Variants in NMNAT3 observed in about 807,000 individuals in gnomAD.
The protein encoded by NMNAT3 is nicotinamide/nicotinic acid mononucleotide adenylyltransferase 3.
Under a neutral mutation model 24.8 loss-of-function variants are expected in NMNAT3, and 21 were observed. That is an observed-to-expected ratio of 0.85 (90% CI 0.60 to 1.22). NMNAT3 has a LOEUF of 1.22. Ranked by LOEUF, NMNAT3 falls within the 50% of genes most tolerant of loss-of-function variation. The probability of loss-of-function intolerance (pLI) is 0.00; values close to 1 mark genes in which losing one functional copy is unlikely to be tolerated. For synonymous variants in NMNAT3, 136 were observed against 155.2 expected, an observed-to-expected ratio of 0.88 and a Z score of 0.92; for missense variants, 387 against 436.6, an observed-to-expected ratio of 0.89 and a Z score of 1.01.
intron 1 of NMNAT3, among the ~76,000 whole-genome samples, chr3:139,641,882 G>A (rs1419316525): frequency 6.6e-6 from 1 of 152,116 alleles, no homozygotes; most frequent in African/African-American, 2.4e-5. Context: ...TGCTTCAGGG[G>A]ATAAGAGGCA....
intron 1 of NMNAT3, among the ~76,000 whole-genome samples, chr3:139,654,454 G>T (rs1253299079): frequency 1.3e-5 from 2 of 152,202 alleles, no homozygotes; most frequent in Non-Finnish European, 2.9e-5. Context: ...TAATGAAACT[G>T]ACCTCCTTCA....
intron 1 of NMNAT3, among the ~76,000 whole-genome samples, chr3:139,658,823 T>G (rs1263842414): frequency 6.6e-6 from 1 of 152,192 alleles, no homozygotes; most frequent in Non-Finnish European, 1.5e-5. Context: ...GAGGGCATCA[T>G]GTAATAAATT....
intron 1 of NMNAT3, among the ~76,000 whole-genome samples, chr3:139,667,804 T>C (rs1478481579): frequency 6.6e-6 from 1 of 152,252 alleles, no homozygotes; most frequent in Non-Finnish European, 1.5e-5. Context: ...GGTGTATGTA[T>C]GACTTCAAGG....
chr3:139,565,551 C>G (rs1169642062), intron 6 of NMNAT3: 6 of 151,924 alleles, frequency 3.9e-5, no homozygotes, highest in African/African-American at 1.5e-4. Flanking sequence ...TGTGATGTTC[C>G]CCTTCCTGTG....
In NMNAT3 at chr3:139,583,075, C is replaced by T; in HGVS notation, c.243G>A (p.Lys81=). Residue 81 remains lysine, a synonymous_variant, in exon 4 of 7, where the codon AAG becomes AAA. Transcript: ENST00000643695. ...CAGTTCTTTTGCGTTTAAAAGATGA[C>T]TTGTCAGGGTCATCATTTTTGCTGC... The T allele has an allele frequency of 1.3e-6, 2 of 1,599,822 alleles. No homozygotes were observed. The highest frequency in any genetic ancestry group is 1.1e-5 in the South Asian group (1 of 88,888).
At chr3:139,587,862 C>A (rs1207425762) in intron 3 of NMNAT3, among the ~76,000 whole-genome samples, 1 of 152,158 alleles carries the variant, frequency 6.6e-6, no homozygotes, top group African/African-American at 2.4e-5. Flanking sequence ...ATACATTTAA[C>A]CTTCACATTA....
At chr3:139,613,905 C>T (rs1451688681) in intron 3 of NMNAT3, among the ~76,000 whole-genome samples, 1 of 151,846 alleles carries the variant, frequency 6.6e-6, no homozygotes, top group Non-Finnish European at 1.5e-5. Context: ...CAAACACCCG[C>T]ATGTTCTCAC....
In NMNAT3 at chr3:139,660,826, G is replaced by C. The variant is rs890455900; in HGVS notation, c.-141+16879C>G. 2.7e-4 allele frequency among the ~76,000 whole-genome samples: 27 copies of C among 98,998 alleles called. No homozygotes were observed. The Admixed American group carries it at 3.0e-3, about 11-fold the overall frequency. The allele number at this position is 98,998 out of a possible 152,430, so 64.9% of individuals were successfully genotyped here. On this transcript the variant is annotated intron_variant, in intron 1 of 6. Transcript: ENST00000643695. The stretch of plus-strand genomic sequence containing the variant: ...AAATACAAAGTAAGAGGAGGCTAAG[G>C]GGAGATAAAAAAAATCTGATTATCT...
chr3:139,590,038 A>G (rs941856311), intron 3 of NMNAT3, among the ~76,000 whole-genome samples: 1 of 152,222 alleles, frequency 6.6e-6, no homozygotes, highest in African/African-American at 2.4e-5. Flanking sequence ...GGATGACAGT[A>G]TAGTGGGTAC....
Position 139,561,004 on chromosome 3 carries a change from C to T in NMNAT3, c.*6G>A. On this transcript the variant is annotated 3_prime_UTR_variant, in exon 7 of 7. Coordinates refer to ENST00000643695, the MANE Select transcript of NMNAT3 (RefSeq NM_001320510.2). Reference sequence around the variant, plus strand: ...GGAGGAGGTGTGGGTGCTGAGTCCCCCCTCCCTAGCTTGTCTTGCCCTCAG... The same window carrying T: ...GGAGGAGGTGTGGGTGCTGAGTCCCTCCTCCCTAGCTTGTCTTGCCCTCAG... 6.2e-7 allele frequency: 1 copy of T among 1,605,762 alleles called. No individual in the cohort carries two copies.
At chr3:139,677,302 C>G (rs984381980) in intron 1 of NMNAT3, among the ~76,000 whole-genome samples, 5 of 152,198 alleles carry the variant, frequency 3.3e-5, no homozygotes, top group African/African-American at 1.2e-4. Flanking sequence ...GGGGAGGGCA[C>G]CACATTTTTT....
intron 3 of NMNAT3, among the ~76,000 whole-genome samples, chr3:139,610,211 G>T (rs958216655): frequency 6.6e-6 from 1 of 152,122 alleles, no homozygotes; most frequent in African/African-American, 2.4e-5. Context: ...ACACTCATCT[G>T]CAAAGTGCTG....
At chr3:139,624,517 G>C (rs549798221) in intron 3 of NMNAT3, among the ~76,000 whole-genome samples, 1 of 151,196 alleles carries the variant, frequency 6.6e-6, no homozygotes, top group Non-Finnish European at 1.5e-5. Flanking sequence ...GCACGATCTC[G>C]GCTCACTGCA....
intron 6 of NMNAT3, chr3:139,565,794 G>C (rs1374312342): frequency 6.6e-6 from 1 of 152,122 alleles, no homozygotes; most frequent in Non-Finnish European, 1.5e-5. Flanking sequence ...CCAAGTCTTC[G>C]CTATTGTGAA....
intron 2 of NMNAT3, among the ~76,000 whole-genome samples, chr3:139,629,409 T>G (rs1175697592): frequency 6.6e-6 from 1 of 152,216 alleles, no homozygotes; most frequent in Non-Finnish European, 1.5e-5. Flanking sequence ...TAAGTTAAAT[T>G]ATATCTGAAT....
At chr3:139,635,325 G>C (rs2056460971) in intron 2 of NMNAT3, 1 of 152,190 alleles carries the variant, frequency 6.6e-6, no homozygotes, top group Non-Finnish European at 1.5e-5. Context: ...TGATGAGGAA[G>C]GTCAAGCCCA....
At chr3:139,675,086 G>GC in intron 1 of NMNAT3, among the ~76,000 whole-genome samples, 1 of 149,208 alleles carries the variant, frequency 6.7e-6, no homozygotes, top group Admixed American at 6.7e-5. Flanking sequence ...CTCAGCAAAT[G>GC]CTTAAATACA....
chr3:139,578,100 C>A (rs1939604625), intron 5 of NMNAT3, among the ~76,000 whole-genome samples: 1 of 152,178 alleles, frequency 6.6e-6, no homozygotes, highest in South Asian at 2.1e-4. Flanking sequence ...AGTGATGAGG[C>A]AGGCCATACT....
At chr3:139,621,279 T>C (rs2055759819) in intron 3 of NMNAT3, among the ~76,000 whole-genome samples, 1 of 152,262 alleles carries the variant, frequency 6.6e-6, no homozygotes, top group Admixed American at 6.5e-5. Flanking sequence ...CCTAATGCTA[T>C]TGAGCATCTT....
Sources: allele counts gnomAD v4.1 joint callset (sites outside exome capture counted in the v4.1 genomes callset), GRCh38; gene constraint gnomAD v4.1.1; transcripts MANE v1.5; gene names NCBI Gene and HGNC (gene_info 2026-07-23, HGNC 2026-07-21).